Variants in CNGB3 observed in about 807,000 individuals in gnomAD.
CNGB3 encodes cyclic nucleotide gated channel subunit beta 3.
A neutral mutation model predicts 92.8 loss-of-function variants in CNGB3; 86 were observed. The observed-to-expected ratio is 0.93, with a 90% CI of 0.78 to 1.11. The LOEUF is 1.11. Among genes scored for constraint, CNGB3 ranks in the 50% least tolerant of loss-of-function variants. The pLI is 0.00. For missense variants in CNGB3, 1,026 were observed against 956.8 expected (o/e 1.07, Z -0.95); for synonymous variants, 333 against 332.7 (o/e 1.00, Z -0.01).
intron 15 of CNGB3, among the ~76,000 whole-genome samples, chr8:86,594,816 C>T (rs774135058): frequency 4.6e-5 from 7 of 152,216 alleles, no homozygotes; most frequent in Non-Finnish European, 7.3e-5. Context: ...TTAAGCGATT[C>T]TCCTGCCTCA....
At chr8:86,684,354 GC>G (rs1226940313) in intron 3 of CNGB3, among the ~76,000 whole-genome samples, 4 of 152,084 alleles carry the variant, frequency 2.6e-5, no homozygotes, top group Non-Finnish European at 5.9e-5. Flanking sequence ...CCAAATGCTG[GC>G]AAGCCTGGGA....
At chr8:86,661,622 T>C (rs955241777) in intron 6 of CNGB3, 16 of 813,480 alleles carry the variant, frequency 2.0e-5, no homozygotes, top group Non-Finnish European at 3.2e-5. Context: ...AATAAGTTCT[T>C]CTTTCTTCAT....
At chr8:86,583,624 T>G (rs891948013) in intron 15 of CNGB3, among the ~76,000 whole-genome samples, 3 of 151,990 alleles carry the variant, frequency 2.0e-5, no homozygotes, top group Non-Finnish European at 4.4e-5. Flanking sequence ...CCAGGCCACT[T>G]AAGAATTGAC....
chr8:86,648,274 G>A (rs563991000), intron 7 of CNGB3, among the ~76,000 whole-genome samples: 210 of 151,214 alleles, frequency 1.4e-3, no homozygotes, highest in African/African-American at 5.0e-3. Context: ...TGAAAGCATT[G>A]TACTTTCATT....
chr8:86,619,728 C>CTTTT (rs71275868), intron 13 of CNGB3, among the ~76,000 whole-genome samples: 3,404 of 73,324 alleles, frequency 0.046, 183 homozygotes, highest in Admixed American at 0.077. Context: ...TGGTCTTGAC[C>CTTTT]TTTTTTTTTT....
At chr8:86,657,992 G>C (rs771490204) in intron 6 of CNGB3, 2 of 546,342 alleles carry the variant, frequency 3.7e-6, no homozygotes, top group Non-Finnish European at 7.2e-6. Context: ...ATGCAGCGAC[G>C]TTCCAGTTTT....
chr8:86,651,885 G>T (rs1307007984), intron 7 of CNGB3, among the ~76,000 whole-genome samples: 2 of 151,940 alleles, frequency 1.3e-5, no homozygotes, highest in African/African-American at 4.8e-5. Context: ...ACAGTCATTT[G>T]TCACTTAACA....
At chr8:86,668,322 A>T in intron 4 of CNGB3, among the ~76,000 whole-genome samples, 154 bp from the exon 5 acceptor site, 1 of 139,602 alleles carries the variant, frequency 7.2e-6, no homozygotes, top group Non-Finnish European at 1.5e-5. Context: ...AACATCACAC[A>T]CTGGGGTCTA....
At chr8:86,727,681 G>A (rs1314844039) in intron 2 of CNGB3, among the ~76,000 whole-genome samples, 1 of 152,012 alleles carries the variant, frequency 6.6e-6, no homozygotes, top group Non-Finnish European at 1.5e-5. Flanking sequence ...AAATGTAGAA[G>A]CGGAAAAGAA....
intron 15 of CNGB3, among the ~76,000 whole-genome samples, chr8:86,601,861 T>C (rs1319245038): frequency 1.3e-5 from 2 of 152,230 alleles, no homozygotes; most frequent in African/African-American, 4.8e-5. Context: ...TTGTCTGTTC[T>C]ACTGGTTTCA....
At chr8:86,653,265 T>C (rs1035626818) in intron 7 of CNGB3, among the ~76,000 whole-genome samples, 3 of 152,036 alleles carry the variant, frequency 2.0e-5, no homozygotes, top group African/African-American at 7.2e-5. Context: ...CAAAGCAGCA[T>C]AGAGATCTTT....
chr8:86,743,408 A>G, intron 1 of CNGB3, 91 bp downstream of exon 1: 4 of 1,495,428 alleles, frequency 2.7e-6, no homozygotes, highest in Non-Finnish European at 3.7e-6. Context: ...TAAAACTACT[A>G]AACAATCATA....
At chr8:86,615,978 T>A (rs1220530805) in intron 13 of CNGB3, among the ~76,000 whole-genome samples, 4 of 152,170 alleles carry the variant, frequency 2.6e-5, no homozygotes, top group Non-Finnish European at 5.9e-5. Context: ...TCCCCTTTTA[T>A]CCTTTAGGTG....
chr8:86,661,440 T>C, intron 6 of CNGB3: 1 of 514,796 alleles, frequency 1.9e-6, no homozygotes, highest in Non-Finnish European at 3.8e-6. Flanking sequence ...TTATGTTTTA[T>C]AACTCCATGA....
At chr8:86,670,707 C>A (rs1823840760) in intron 4 of CNGB3, among the ~76,000 whole-genome samples, 1 of 152,082 alleles carries the variant, frequency 6.6e-6, no homozygotes, top group African/African-American at 2.4e-5. Context: ...AGCCACTGCA[C>A]CCTGCCAGGT....
At chr8:86,624,907 C>T (rs1193743790) in intron 13 of CNGB3, among the ~76,000 whole-genome samples, 1 of 152,148 alleles carries the variant, frequency 6.6e-6, no homozygotes, top group Non-Finnish European at 1.5e-5. Flanking sequence ...TTGGTACTGT[C>T]CTCATGACAG....
chr8:86,739,598 T>C (rs1248732805), intron 2 of CNGB3, 57 bp downstream of exon 2: 7 of 1,596,738 alleles, frequency 4.4e-6, no homozygotes, highest in Middle Eastern at 1.7e-4. Context: ...ACATTTCAGA[T>C]ACATATGTAT....
At chr8:86,627,386 T>C (rs1433808456) in intron 12 of CNGB3, among the ~76,000 whole-genome samples, 1 of 152,092 alleles carries the variant, frequency 6.6e-6, no homozygotes, top group African/African-American at 2.4e-5. Context: ...GAGAGAGGCA[T>C]GTTGTTTTGG....
chr8:86,636,034 A>T (rs1415930232), intron 10 of CNGB3, among the ~76,000 whole-genome samples: 3 of 151,684 alleles, frequency 2.0e-5, no homozygotes. Flanking sequence ...AAAAATTAAA[A>T]GAATTTTACA....
Sources: allele counts gnomAD v4.1 joint callset (sites outside exome capture counted in the v4.1 genomes callset), GRCh38; gene constraint gnomAD v4.1.1; transcripts MANE v1.5; gene names NCBI Gene and HGNC (gene_info 2026-07-23, HGNC 2026-07-21).